TCF7L2: variants seen among roughly 807,000 people sequenced by gnomAD.
TCF7L2 encodes the protein transcription factor 7 like 2, also known as transcription factor 7-like 2.
In TCF7L2, 23 loss-of-function variants were observed where a neutral mutation model predicts 77.9. That is an observed-to-expected ratio of 0.30 (90% CI 0.21 to 0.42). The LOEUF (loss-of-function observed/expected upper bound fraction) is 0.42. Ranked by LOEUF, TCF7L2 falls within the 10% of genes least tolerant of loss-of-function variation. The probability of loss-of-function intolerance (pLI) is 1.00; values close to 1 mark genes in which losing one functional copy is unlikely to be tolerated. For missense variants in TCF7L2, 654 were observed against 793.1 expected, an observed-to-expected ratio of 0.82 and a Z score of 2.11; for synonymous variants, 413 against 340.2, an observed-to-expected ratio of 1.21 and a Z score of -2.36.
At chr10:112,973,341 A>T (rs2038693240) in intron 4 of TCF7L2, among the ~76,000 whole-genome samples, 6 of 152,184 alleles carry the variant, frequency 3.9e-5, no homozygotes, top group Admixed American at 3.9e-4. Context: ...ATACTCACTC[A>T]GGAAGCATTT....
intron 4 of TCF7L2, chr10:112,987,380 A>G (rs959313216): frequency 3.3e-5 from 5 of 151,992 alleles, no homozygotes; most frequent in South Asian, 2.1e-4. Context: ...TGCTTTTTAA[A>G]TAAGCCACTT....
At chr10:113,085,584 C>T (rs1321663279) in intron 5 of TCF7L2, among the ~76,000 whole-genome samples, 1 of 152,122 alleles carries the variant, frequency 6.6e-6, no homozygotes, top group African/African-American at 2.4e-5. Flanking sequence ...GCAGTAAGCT[C>T]ATAAAGAAGC....
chr10:112,960,650 T>A (rs374789612), intron 3 of TCF7L2, among the ~76,000 whole-genome samples: 1 of 150,784 alleles, frequency 6.6e-6, no homozygotes, highest in African/African-American at 2.4e-5. Flanking sequence ...TCCTGGTGAC[T>A]GGTGCAGGAC....
intron 5 of TCF7L2, among the ~76,000 whole-genome samples, chr10:113,063,394 T>C (rs2056786079): frequency 6.6e-6 from 1 of 152,194 alleles, no homozygotes; most frequent in Non-Finnish European, 1.5e-5. Context: ...GACAGGCTCC[T>C]TGTGTCCTCC....
intron 5 of TCF7L2, among the ~76,000 whole-genome samples, chr10:113,118,664 G>GTTTTTTTT (rs78459197): frequency 1.5e-5 from 1 of 68,260 alleles, no homozygotes; most frequent in Non-Finnish European, 3.2e-5. Context: ...GTTTTTTTTT[G>GTTTTTTTT]TTTTTTTTTT....
At chr10:112,966,056 T>G (rs888930543) in intron 4 of TCF7L2, among the ~76,000 whole-genome samples, 5 of 151,200 alleles carry the variant, frequency 3.3e-5, no homozygotes, top group Non-Finnish European at 5.9e-5. Flanking sequence ...GTGCCTGTAA[T>G]CCCAGTTAAT....
intron 5 of TCF7L2, among the ~76,000 whole-genome samples, chr10:113,117,772 C>T (rs2064062286): frequency 1.3e-5 from 2 of 152,028 alleles, no homozygotes; most frequent in Non-Finnish European, 2.9e-5. Flanking sequence ...GGAATGGAAG[C>T]AACTAAAAAA....
chr10:113,128,088 AGAGAAGGCAATTAGGGGGCT>A (rs1441266884), intron 5 of TCF7L2, among the ~76,000 whole-genome samples: 1 of 151,822 alleles, frequency 6.6e-6, no homozygotes, highest in East Asian at 1.9e-4. Context: ...GAATAGAGGG[AGAGAAGGCAATTAGGGGGCT>A]GTGTGGTTGG....
intron 3 of TCF7L2, 40 bp downstream of exon 3, chr10:112,951,647 C>G (rs573933496): frequency 3.1e-4 from 328 of 1,063,008 alleles, no homozygotes; most frequent in Admixed American, 9.8e-4. Flanking sequence ...GCTGCCCGCC[C>G]GCCCGCGCCG....
At position 113,166,247 on chromosome 10, in the gene TCF7L2, T is replaced by A. The variant is rs2074035080; in HGVS notation, c.*275T>A. 6.4e-6 allele frequency: 2 copies of A among 310,820 alleles called. No individual in the cohort carries two copies. Among genetic ancestry groups the A allele is most frequent in the Non-Finnish European group, 1.2e-5 (2 of 171,896 alleles). The allele number at this position is 310,820 out of a possible 1,614,324, so 19.3% of individuals were successfully genotyped here. A position where few individuals can be genotyped will look rare whatever the true frequency, so the allele number is the denominator to read the frequency against. ...AAGTCTTTGTAGCGTTTAAAAAATATATATATATACATAACTGTTATGTAG... is the reference window on the plus strand; with the variant it reads ...AAGTCTTTGTAGCGTTTAAAAAATAAATATATATACATAACTGTTATGTAG... On this transcript the variant is annotated 3_prime_UTR_variant, in exon 14 of 14. Transcript: ENST00000627217.
chr10:113,112,000 G>A lies in TCF7L2; in HGVS notation c.553-29184G>A, dbSNP rs534516353. On this transcript the variant is annotated intron_variant, in intron 5 of 13. Transcript: ENST00000627217. The stretch of plus-strand genomic sequence containing the variant: ...TGGTTTTGAAAAAAATAACACCACC[G>A]TCCAGACTGTACTAAGATGCCTGGT... Among the ~76,000 whole-genome samples the A allele has an allele frequency of 7.9e-5, 12 of 152,162 alleles. No homozygotes were observed. In the South Asian group the frequency reaches 1.9e-3, roughly 24 times the overall value.
intron 5 of TCF7L2, among the ~76,000 whole-genome samples, chr10:113,077,300 T>A (rs1231216593): frequency 6.6e-6 from 1 of 152,238 alleles, no homozygotes; most frequent in Admixed American, 6.5e-5. Context: ...GATAAGATAG[T>A]GGTAATTATG....
chr10:113,157,097 C>T (rs2072073517), intron 11 of TCF7L2, among the ~76,000 whole-genome samples: 1 of 152,186 alleles, frequency 6.6e-6, no homozygotes, highest in Non-Finnish European at 1.5e-5. Context: ...GATGTCCACT[C>T]AGCAGGTTTT....
intron 5 of TCF7L2, among the ~76,000 whole-genome samples, chr10:113,121,068 G>C (rs1172096422): frequency 6.6e-6 from 1 of 152,002 alleles, no homozygotes; most frequent in Non-Finnish European, 1.5e-5. Flanking sequence ...TTCGCAAAAT[G>C]GGGGGAAAAG....
chr10:112,961,138 C>T (rs918664964), intron 3 of TCF7L2, among the ~76,000 whole-genome samples: 11 of 151,974 alleles, frequency 7.2e-5, no homozygotes, highest in Admixed American at 3.3e-4. Flanking sequence ...CTCAGCCTCC[C>T]TCATAGCTGG....
chr10:113,073,074 A>ATG (rs1209870619), intron 5 of TCF7L2, among the ~76,000 whole-genome samples: 2 of 143,818 alleles, frequency 1.4e-5, no homozygotes, highest in Non-Finnish European at 3.0e-5. Context: ...GTGGCCAGCC[A>ATG]TGTGTACCTA....
At chr10:113,084,670 G>A (rs561412699) in intron 5 of TCF7L2, among the ~76,000 whole-genome samples, 6 of 152,162 alleles carry the variant, frequency 3.9e-5, no homozygotes, top group African/African-American at 9.6e-5. Flanking sequence ...CGAGGTGGGC[G>A]GATCACTTGA....
At chr10:113,119,150 C>G (rs941037899) in intron 5 of TCF7L2, among the ~76,000 whole-genome samples, 2 of 152,262 alleles carry the variant, frequency 1.3e-5, no homozygotes, top group Non-Finnish European at 1.5e-5. Flanking sequence ...ATAATGGGAC[C>G]GCTGCGAATT....
intron 5 of TCF7L2, among the ~76,000 whole-genome samples, chr10:113,052,267 A>AGATTCTGAGGCTGT (rs2054607774): frequency 6.6e-6 from 1 of 152,008 alleles, no homozygotes; most frequent in Non-Finnish European, 1.5e-5. Context: ...GTGTTGAGAG[A>AGATTCTGAGGCTGT]GATTCTGAGG....
Sources: gnomAD v4.1 joint callset for allele counts (sites outside exome capture counted in the v4.1 genomes callset) on GRCh38, gnomAD v4.1.1 for gene constraint, MANE v1.5 for transcripts, NCBI Gene and HGNC (gene_info 2026-07-23, HGNC 2026-07-21) for gene names.